IFT52: variants seen among roughly 807,000 people sequenced by gnomAD.
The protein encoded by IFT52 is intraflagellar transport 52.
In IFT52, 44 loss-of-function variants were observed where a neutral mutation model predicts 54.4. The observed-to-expected ratio is 0.81, with a 90% CI of 0.63 to 1.04. IFT52 has a LOEUF of 1.04. Among genes scored for constraint, IFT52 ranks in the 50% least tolerant of loss-of-function variants. The pLI, the probability that IFT52 is intolerant of heterozygous loss-of-function variation, is 0.00. For synonymous variants in IFT52, 181 were observed against 185.3 expected (o/e 0.98, Z 0.19); for missense variants, 452 against 523.6 (o/e 0.86, Z 1.33).
chr20:43,600,492 G>T (rs1982341771), intron 3 of IFT52, among the ~76,000 whole-genome samples: 1 of 151,930 alleles, frequency 6.6e-6, no homozygotes, highest in South Asian at 2.1e-4. Flanking sequence ...TTTTAGTAGA[G>T]ATGGGGTTTC....
intron 10 of IFT52, among the ~76,000 whole-genome samples, chr20:43,633,268 G>A (rs1044312506): frequency 9.9e-5 from 15 of 152,124 alleles, no homozygotes; most frequent in Non-Finnish European, 1.8e-4. Flanking sequence ...GCTTGAACCC[G>A]GAAGGCGGAG....
At chr20:43,621,942 C>T (rs1029136317) in intron 9 of IFT52, among the ~76,000 whole-genome samples, 9 of 152,216 alleles carry the variant, frequency 5.9e-5, no homozygotes, top group Non-Finnish European at 7.3e-5. Context: ...GTCTTATTCT[C>T]ATTTTATAGA....
chr20:43,642,584 A>G lies in IFT52; in HGVS notation c.1226A>G (p.His409Arg), dbSNP rs1277027468. The change falls in exon 13 of 14, where the codon CAC becomes CGC. Residue 409 changes from histidine (H) to arginine (R), a missense_variant. Transcript: ENST00000373030. ...DQQDAKHILE[H>R]VFFQVVEFKK... is the part of the protein sequence containing the mutation. Reference sequence around the variant, plus strand: ...CAGGATGCCAAACATATCCTTGAGCACGTCTTCTTCCAAGTGGTGGAGTTC... The same window carrying G: ...CAGGATGCCAAACATATCCTTGAGCGCGTCTTCTTCCAAGTGGTGGAGTTC... 1 of 1,614,192 alleles carries G rather than the reference A, an allele frequency of 6.2e-7. No homozygotes were observed. Among genetic ancestry groups the G allele is most frequent in the African/African-American group, 1.3e-5 (1 of 75,050 alleles).
intron 6 of IFT52, among the ~76,000 whole-genome samples, chr20:43,610,738 CA>C (rs553646349): frequency 1.5e-4 from 17 of 116,136 alleles, no homozygotes; most frequent in South Asian, 2.7e-4. Context: ...GACTCCGTCT[CA>C]AAAAAAAAAG....
At chr20:43,608,064 G>A (rs967825491) in intron 6 of IFT52, among the ~76,000 whole-genome samples, 1 of 152,176 alleles carries the variant, frequency 6.6e-6, no homozygotes, top group African/African-American at 2.4e-5. Context: ...AGGAAATCAG[G>A]CAGGGAGGTT....
At position 43,606,157 on chromosome 20, in the gene IFT52, G is replaced by A. The variant is rs528108870; in HGVS notation, c.485+1084G>A. On this transcript the variant is annotated intron_variant, in intron 6 of 13. Coordinates refer to ENST00000373030, the MANE Select transcript of IFT52 (RefSeq NM_016004.5). ...AATCACTTGAACCTGGGAGGTGGAG[G>A]TTGCATTGAGCTGCCATCGTACCAT... is the stretch of plus-strand genomic sequence containing the variant. Among the ~76,000 whole-genome samples, 360 of 151,758 alleles carry A rather than the reference G, an allele frequency of 2.4e-3. 1 individual carries two copies. Among genetic ancestry groups the A allele is most frequent in the Middle Eastern group, 6.8e-3 (2 of 292 alleles).
rs1000622644 is a variant in IFT52 at position 43,591,883 on chromosome 20, A to T, written c.-7+829A>T. ...GGAAACCCTGTCTCTGAAAATAAAT[A>T]AATTAATTTAAAAAGTTTGGGACTC... On this transcript the variant is annotated intron_variant, in intron 1 of 13. Coordinates refer to ENST00000373030, the MANE Select transcript of IFT52 (RefSeq NM_016004.5). Among the ~76,000 whole-genome samples, 10 of 152,262 alleles carry T rather than the reference A, an allele frequency of 6.6e-5. 1 individual carries two copies. The South Asian group carries it at 1.9e-3, about 28-fold the overall frequency.
At chr20:43,622,026 A>G (rs1473695776) in intron 9 of IFT52, among the ~76,000 whole-genome samples, 1 of 152,222 alleles carries the variant, frequency 6.6e-6, no homozygotes, top group Non-Finnish European at 1.5e-5. Context: ...ATCCAAATCC[A>G]GGTCTCCTAA....
At chr20:43,635,574 G>A (rs1241290271) in intron 10 of IFT52, among the ~76,000 whole-genome samples, 3 of 152,208 alleles carry the variant, frequency 2.0e-5, no homozygotes, top group Non-Finnish European at 2.9e-5. Context: ...TAAGATTATA[G>A]GGGTGAGCCA....
chr20:43,604,887 C>T, intron 5 of IFT52, 115 bp from the exon 6 acceptor site: 1 of 1,026,232 alleles, frequency 9.7e-7, no homozygotes, highest in Non-Finnish European at 1.5e-6. Flanking sequence ...GCAGCCTTGA[C>T]CTCCCAGGCT....
intron 10 of IFT52, 53 bp from the exon 11 acceptor site, chr20:43,635,873 G>T: frequency 2.0e-6 from 3 of 1,503,394 alleles, no homozygotes; most frequent in South Asian, 2.3e-5. Context: ...TCAGTTAGAC[G>T]TGCTGAGCTA....
intron 6 of IFT52, chr20:43,605,316 G>A (rs1982776765): frequency 1.0e-6 from 1 of 981,328 alleles, no homozygotes; most frequent in East Asian, 5.6e-5. Flanking sequence ...GGAGGCCGAG[G>A]TGGGTGGCCC....
At chr20:43,627,908 G>GT (rs1984849814) in intron 10 of IFT52, among the ~76,000 whole-genome samples, 2 of 108,646 alleles carry the variant, frequency 1.8e-5, no homozygotes, top group African/African-American at 6.5e-5. Context: ...TATATATAGA[G>GT]AGAGAGAGAG....
intron 11 of IFT52, 81 bp downstream of exon 11, chr20:43,636,094 C>T (rs890729436): frequency 1.0e-5 from 13 of 1,286,974 alleles, no homozygotes; most frequent in Admixed American, 1.8e-5. Context: ...GCTGTGGTCC[C>T]TTCCATGTGC....
At position 43,642,575 on chromosome 20, in the gene IFT52, T is replaced by C. The variant is rs1985989069; in HGVS notation, c.1217T>C (p.Ile406Thr). 21 of 1,614,186 alleles carry C rather than the reference T, an allele frequency of 1.3e-5. No homozygotes were observed. The highest frequency in any genetic ancestry group is 1.6e-5 in the Non-Finnish European group (19 of 1,180,034). The change falls in exon 13 of 14, where the codon ATC becomes ACC. Residue 406 changes from isoleucine to threonine, a missense_variant. Physicochemically the swap from Ile to Thr is moderately conservative, Grantham distance 89. Transcript: ENST00000373030. The part of the protein sequence containing the change: ...LPKDQQDAKH[I>T]LEHVFFQVVE... ...AAGGACCAACAGGATGCCAAACATA[T>C]CCTTGAGCACGTCTTCTTCCAAGTG...
At position 43,594,790 on chromosome 20, in the gene IFT52, A is replaced by G; in HGVS notation, c.92A>G (p.Lys31Arg). The change falls in exon 2 of 14, where the codon AAA becomes AGA. Residue 31 changes from lysine to arginine, a missense_variant. Physicochemically the swap from Lys to Arg is conservative, Grantham distance 26. Transcript: ENST00000373030. ...TNNGYKSMQK[K>R]LRSNWKIQSL... ...AATGGCTACAAATCCATGCAGAAAA[A>G]ACTTCGGAGTAATTGGAAGATTCAG... 1.2e-6 allele frequency: 2 copies of G among 1,601,818 alleles called. No homozygotes were observed. The highest frequency in any genetic ancestry group is 1.1e-5 in the South Asian group (1 of 90,800).
chr20:43,626,737 G>A (rs962426645), intron 10 of IFT52, among the ~76,000 whole-genome samples: 1 of 151,930 alleles, frequency 6.6e-6, no homozygotes, highest in Non-Finnish European at 1.5e-5. Context: ...TCTTAGATTT[G>A]ATGAAATATG....
chr20:43,627,203 C>A (rs540722089), intron 10 of IFT52, among the ~76,000 whole-genome samples: 1 of 151,648 alleles, frequency 6.6e-6, no homozygotes, highest in Admixed American at 6.6e-5. Context: ...ATAGAAAAGC[C>A]AAAAGAAGAG....
chr20:43,603,670 G>A, intron 3 of IFT52, 90 bp from the exon 4 acceptor site: 1 of 1,153,592 alleles, frequency 8.7e-7, no homozygotes, highest in Non-Finnish European at 1.3e-6. Flanking sequence ...TTTGAAATAT[G>A]TATTTTTCAT....
Sources: allele counts gnomAD v4.1 joint callset (sites outside exome capture counted in the v4.1 genomes callset), GRCh38; gene constraint gnomAD v4.1.1; transcripts MANE v1.5; gene names NCBI Gene and HGNC (gene_info 2026-07-23, HGNC 2026-07-21).